Variants in SLC24A3 observed in about 807,000 individuals in gnomAD.
The protein encoded by SLC24A3 is solute carrier family 24 member 3, also known as sodium/potassium/calcium exchanger 3.
Under a neutral mutation model 75.8 loss-of-function variants are expected in SLC24A3, and 28 were observed. The observed-to-expected ratio is 0.37, with a 90% CI of 0.27 to 0.51. The LOEUF (loss-of-function observed/expected upper bound fraction) is 0.51. Ranked by LOEUF, SLC24A3 falls within the 20% of genes least tolerant of loss-of-function variation. SLC24A3 has a pLI of 0.94. For missense variants in SLC24A3, 663 were observed against 847.8 expected (o/e 0.78, Z 2.71); for synonymous variants, 372 against 334.1 (o/e 1.11, Z -1.24).
chr20:19,678,243 G>A (rs1568694571), intron 9 of SLC24A3, among the ~76,000 whole-genome samples: 4 of 149,094 alleles, frequency 2.7e-5, no homozygotes, highest in Non-Finnish European at 6.0e-5. Context: ...AGACGGGGTG[G>A]TGGCCGGGCA....
At chr20:19,507,716 A>G (rs1988481596) in intron 2 of SLC24A3, among the ~76,000 whole-genome samples, 1 of 152,206 alleles carries the variant, frequency 6.6e-6, no homozygotes, top group Non-Finnish European at 1.5e-5. Flanking sequence ...TCTCTGGAAC[A>G]ATGAGAAATG....
chr20:19,300,070 T>G (rs1388084890), intron 2 of SLC24A3, among the ~76,000 whole-genome samples: 1 of 152,188 alleles, frequency 6.6e-6, no homozygotes, highest in Non-Finnish European at 1.5e-5. Flanking sequence ...GATGTGTGGA[T>G]TCCTCAAAGG....
chr20:19,565,830 C>A (rs2030949151), intron 3 of SLC24A3, among the ~76,000 whole-genome samples: 1 of 152,162 alleles, frequency 6.6e-6, no homozygotes, highest in South Asian at 2.1e-4. Flanking sequence ...AGATCAGGGG[C>A]TTTGAAGTCA....
At chr20:19,514,714 G>A (rs182535621) in intron 2 of SLC24A3, among the ~76,000 whole-genome samples, 51 of 152,330 alleles carry the variant, frequency 3.3e-4, no homozygotes, top group African/African-American at 1.2e-3. Context: ...GGTTAGTGGT[G>A]GAGGACCTTC....
intron 1 of SLC24A3, among the ~76,000 whole-genome samples, chr20:19,272,987 A>T (rs1423085086): frequency 6.6e-6 from 1 of 152,146 alleles, no homozygotes; most frequent in Non-Finnish European, 1.5e-5. Flanking sequence ...TCCCTCTAGA[A>T]GAAGTGGGAG....
chr20:19,367,827 G>T (rs1051822217), intron 2 of SLC24A3, among the ~76,000 whole-genome samples: 4 of 152,290 alleles, frequency 2.6e-5, no homozygotes, highest in Admixed American at 2.6e-4. Flanking sequence ...TGCATTGGCC[G>T]TGTTTGTCTG....
At chr20:19,567,119 A>G (rs1334828491) in intron 3 of SLC24A3, among the ~76,000 whole-genome samples, 1 of 152,236 alleles carries the variant, frequency 6.6e-6, no homozygotes, top group Non-Finnish European at 1.5e-5. Context: ...AAGAACTTAA[A>G]ATAGAACTTA....
At chr20:19,263,045 G>GTGTGTC (rs1983044559) in intron 1 of SLC24A3, among the ~76,000 whole-genome samples, 1 of 151,296 alleles carries the variant, frequency 6.6e-6, no homozygotes, top group African/African-American at 2.4e-5. Flanking sequence ...GTGTGTGTGT[G>GTGTGTC]TGTGTGTGTG....
At position 19,423,320 on chromosome 20, in the gene SLC24A3, A is replaced by G. The variant is rs114605663; in HGVS notation, c.272-92168A>G. 8.9e-3 allele frequency among the ~76,000 whole-genome samples: 1,353 copies of G among 152,292 alleles called. 12 individuals carry two copies. The highest frequency in any genetic ancestry group is 0.027 in the African/African-American group (1,115 of 41,562). ...TTTCCTGCTTTCCCGCTCAGCCCCA[A>G]CTGCAGAAACTGAATCCTAGCAGCA... On this transcript the variant is annotated intron_variant, in intron 2 of 16. Transcript: ENST00000328041.
At chr20:19,582,898 G>A (rs2031238925) in intron 4 of SLC24A3, among the ~76,000 whole-genome samples, 2 of 152,206 alleles carry the variant, frequency 1.3e-5, no homozygotes, top group Non-Finnish European at 2.9e-5. Context: ...GAAAGGTGAA[G>A]TCGGATGGGG....
intron 9 of SLC24A3, among the ~76,000 whole-genome samples, chr20:19,679,665 C>T (rs1206086391): frequency 1.3e-5 from 2 of 152,126 alleles, no homozygotes; most frequent in African/African-American, 4.8e-5. Context: ...ACCACATTAT[C>T]GTCATACGTA....
intron 3 of SLC24A3, among the ~76,000 whole-genome samples, chr20:19,564,444 A>T (rs1411054550): frequency 1.3e-5 from 2 of 152,106 alleles, no homozygotes; most frequent in South Asian, 2.1e-4. Flanking sequence ...CATTACCGTG[A>T]TCAACTTCAT....
intron 2 of SLC24A3, among the ~76,000 whole-genome samples, chr20:19,412,740 A>C (rs1986768598): frequency 6.6e-6 from 1 of 152,188 alleles, no homozygotes; most frequent in African/African-American, 2.4e-5. Flanking sequence ...TTGACTTGAT[A>C]TCTTTTAAAG....
At chr20:19,600,706 T>C (rs2031517219) in intron 6 of SLC24A3, among the ~76,000 whole-genome samples, 1 of 152,220 alleles carries the variant, frequency 6.6e-6, no homozygotes, top group Non-Finnish European at 1.5e-5. Context: ...TCACCCAGGC[T>C]GGAGTGCAGT....
At chr20:19,660,097 T>C (rs1212821246) in intron 7 of SLC24A3, among the ~76,000 whole-genome samples, 1 of 152,156 alleles carries the variant, frequency 6.6e-6, no homozygotes, top group African/African-American at 2.4e-5. Context: ...TCATGGGAAT[T>C]AACCTCTTCT....
In SLC24A3 at chr20:19,259,722, A is replaced by G. The variant is rs367977530; in HGVS notation, c.143-21237A>G. ...TTGGAAACATTGTTTCTCCCCCAAC[A>G]TTATATATGAAAATGTTCAACCATA... On this transcript the variant is annotated intron_variant, in intron 1 of 16. Transcript: ENST00000328041. Among the ~76,000 whole-genome samples, 313 of 152,312 alleles carry G rather than the reference A, an allele frequency of 2.1e-3. 9 individuals carry two copies. The South Asian group carries it at 0.061, about 29-fold the overall frequency.
intron 1 of SLC24A3, among the ~76,000 whole-genome samples, chr20:19,232,277 T>C (rs1982044035): frequency 6.6e-6 from 1 of 152,234 alleles, no homozygotes; most frequent in African/African-American, 2.4e-5. Flanking sequence ...TGACATTCTA[T>C]TTATTTTGTG....
At chr20:19,236,230 A>C (rs968753623) in intron 1 of SLC24A3, among the ~76,000 whole-genome samples, 134 of 152,314 alleles carry the variant, frequency 8.8e-4, no homozygotes, top group African/African-American at 3.2e-3. Context: ...GGGCATGTAC[A>C]GTCAAAAGAC....
chr20:19,448,328 T>G (rs1987421007), intron 2 of SLC24A3, among the ~76,000 whole-genome samples: 1 of 152,262 alleles, frequency 6.6e-6, no homozygotes, highest in Non-Finnish European at 1.5e-5. Context: ...GTGGTTACTT[T>G]GCATACTCTG....
Sources: gnomAD v4.1 joint callset for allele counts (sites outside exome capture counted in the v4.1 genomes callset) on GRCh38, gnomAD v4.1.1 for gene constraint, MANE v1.5 for transcripts, NCBI Gene and HGNC (gene_info 2026-07-23, HGNC 2026-07-21) for gene names.